PLEKHG4B: variants seen among roughly 807,000 people sequenced by gnomAD.
The protein encoded by PLEKHG4B is pleckstrin homology domain-containing family G member 4B.
A neutral mutation model predicts 121.3 loss-of-function variants in PLEKHG4B; 111 were observed. That is an observed-to-expected ratio of 0.92 (90% CI 0.78 to 1.07). The LOEUF (loss-of-function observed/expected upper bound fraction) is 1.07, where lower values mean the gene tolerates loss of function less well. Ranked by LOEUF, PLEKHG4B falls within the 50% of genes least tolerant of loss-of-function variation. The probability of loss-of-function intolerance (pLI) is 0.00; values close to 1 mark genes in which losing one functional copy is unlikely to be tolerated. For synonymous variants in PLEKHG4B, 738 were observed against 725.0 expected, an observed-to-expected ratio of 1.02 and a Z score of -0.29; for missense variants, 1,831 against 1,757.8, an observed-to-expected ratio of 1.04 and a Z score of -0.74.
chr5:187,924 G>A lies in PLEKHG4B; in HGVS notation c.*5601G>A. The A allele has an allele frequency of 6.6e-6, 1 of 152,564 alleles. No homozygotes were observed. Among genetic ancestry groups the A allele is most frequent in the Non-Finnish European group, 1.5e-5 (1 of 68,214 alleles). The allele number at this position is 152,564 out of a possible 1,614,324, so 9.5% of individuals were successfully genotyped here. On this transcript the variant is annotated 3_prime_UTR_variant, in exon 20 of 20. Coordinates refer to ENST00000637938, the MANE Select transcript of PLEKHG4B (RefSeq NM_052909.5). ...CAGGAGGTCCGCCTGTCAGGTCAGAGGGCAGCAGGAGGCCACCCCACCTCC... is the reference window on the plus strand; with the variant it reads ...CAGGAGGTCCGCCTGTCAGGTCAGAAGGCAGCAGGAGGCCACCCCACCTCC...
rs76831360 is a variant in PLEKHG4B, at chr5:183,970, CAGATAGATAGAT to C, written c.*1656_*1667del. 1.7e-5 allele frequency: 2 copies of C among 118,104 alleles called. No homozygotes were observed. Among genetic ancestry groups the C allele is most frequent in the Non-Finnish European group, 3.5e-5 (2 of 56,684 alleles). 7.3% of individuals were successfully genotyped at this position (118,104 alleles called of 1,614,324 possible). A position where few individuals can be genotyped will look rare whatever the true frequency, so the allele number is the denominator to read the frequency against. On this transcript the variant is annotated 3_prime_UTR_variant, in exon 20 of 20. Coordinates refer to ENST00000637938, the MANE Select transcript of PLEKHG4B (RefSeq NM_052909.5). ...GGAGATAGCTAGATATATATACAGA[CAGATAGATAGAT>C]AGATAGATCGATAGATAGATAGATA...
chr5:160,470 T>A (rs1479245859), intron 11 of PLEKHG4B, among the ~76,000 whole-genome samples: 5 of 152,072 alleles, frequency 3.3e-5, no homozygotes, highest in African/African-American at 1.2e-4. Context: ...ATGGAGCCCC[T>A]AAACAGTGTG....
rs1279862882 is a variant in PLEKHG4B at position 184,380 on chromosome 5, A to T, written c.*2057A>T. 2 of 152,268 alleles carry T rather than the reference A, an allele frequency of 1.3e-5. No homozygotes were observed. Among genetic ancestry groups the T allele is most frequent in the East Asian group, 3.8e-4 (2 of 5,208 alleles). 9.4% of individuals were successfully genotyped at this position (152,268 alleles called of 1,614,324 possible). The stretch of plus-strand genomic sequence containing the variant: ...TGTTCTGTTGGGAGGCACAAAGCTG[A>T]TGAGGATGGCTGACTCCTCAGGAGC... On this transcript the variant is annotated 3_prime_UTR_variant, in exon 20 of 20. Coordinates refer to ENST00000637938, the MANE Select transcript of PLEKHG4B (RefSeq NM_052909.5).
At chr5:133,355 C>G (rs896134607) in intron 2 of PLEKHG4B, among the ~76,000 whole-genome samples, 1 of 152,102 alleles carries the variant, frequency 6.6e-6, no homozygotes, top group Non-Finnish European at 1.5e-5. Context: ...GTTCGACTTC[C>G]TCTGTACTGA....
In PLEKHG4B at chr5:113,598, G is replaced by A; in HGVS notation, c.243+150G>A. On this transcript the variant is annotated intron_variant, in intron 2 of 19. Coordinates refer to ENST00000637938, the MANE Select transcript of PLEKHG4B (RefSeq NM_052909.5). This position sits in a 1 kb window ranked among gnomAD's most constrained non-coding sequence, Gnocchi z 5.2. ...CTCCCACCCTCATCCCAAATGAAGGGTCAAACAAGGCTGCATGTCCCAGCA... is the reference window on the plus strand; with the variant it reads ...CTCCCACCCTCATCCCAAATGAAGGATCAAACAAGGCTGCATGTCCCAGCA... 1 of 397,880 alleles carries A rather than the reference G, an allele frequency of 2.5e-6. No homozygotes were observed. The highest frequency in any genetic ancestry group is 4.4e-5 in the Admixed American group (1 of 22,728). 24.6% of individuals were successfully genotyped at this position (397,880 alleles called of 1,614,324 possible).
chr5:140,162 C>A lies in PLEKHG4B; in HGVS notation c.923C>A (p.Ser308Ter). Reference sequence around the variant, plus strand: ...ATGCCCCCTGAGAACTGTGGGGGGTCGGGGGAGAGGCCGGACCCCATGGAC... The same window carrying A: ...ATGCCCCCTGAGAACTGTGGGGGGTAGGGGGAGAGGCCGGACCCCATGGAC... ...PRMPPENCGG[S>*]GERPDPMDQE... The change falls in exon 3 of 20, where the codon TCG (serine) becomes TAG (stop). Residue 308 changes from serine (S) to a stop codon, truncating the protein, a stop_gained. Coordinates refer to ENST00000637938, the MANE Select transcript of PLEKHG4B (RefSeq NM_052909.5). LOFTEE classifies it high-confidence loss of function. The A allele has an allele frequency of 1.2e-6, 1 of 807,834 alleles. No homozygotes were observed. The highest frequency in any genetic ancestry group is 1.9e-6 in the Non-Finnish European group (1 of 531,556). 50.0% of individuals were successfully genotyped at this position (807,834 alleles called of 1,614,324 possible).
chr5:109,388 C>G (rs1430588073), intron 1 of PLEKHG4B, among the ~76,000 whole-genome samples: 1 of 127,410 alleles, frequency 7.8e-6, no homozygotes, highest in Non-Finnish European at 1.5e-5. Context: ...CAGGGCAAGA[C>G]TCTGTCTCCA....
chr5:126,109 A>C (rs574805211), intron 2 of PLEKHG4B, among the ~76,000 whole-genome samples: 1 of 152,322 alleles, frequency 6.6e-6, no homozygotes, highest in South Asian at 2.1e-4. Flanking sequence ...GGAGCTTATC[A>C]GGCTTCTTGG....
At chr5:121,594 C>T (rs147450408) in intron 2 of PLEKHG4B, among the ~76,000 whole-genome samples, 35 of 152,088 alleles carry the variant, frequency 2.3e-4, no homozygotes, top group African/African-American at 7.7e-4. Context: ...CCAGGAAGCT[C>T]GTCATCACCT....
intron 16 of PLEKHG4B, 21 bp from the exon 17 acceptor site, chr5:172,876 C>T: frequency 1.2e-6 from 2 of 1,613,624 alleles, no homozygotes; most frequent in Non-Finnish European, 1.7e-6. Context: ...GGATGAAATC[C>T]ACCTGTGTGT....
intron 13 of PLEKHG4B, among the ~76,000 whole-genome samples, chr5:168,115 G>A (rs1736412094): frequency 6.6e-6 from 1 of 152,298 alleles, no homozygotes; most frequent in African/African-American, 2.4e-5. Context: ...CAGCCACAGA[G>A]GAGCCCACAT....
chr5:162,006 C>T (rs1736024187), intron 12 of PLEKHG4B, 62 bp downstream of exon 12: 2 of 1,511,866 alleles, frequency 1.3e-6, no homozygotes, highest in Admixed American at 2.0e-5. Flanking sequence ...GGACATCTAG[C>T]AAGTGCCTCC....
In PLEKHG4B at chr5:187,119, A is replaced by T. The variant is rs1733648337; in HGVS notation, c.*4796A>T. The T allele has an allele frequency of 6.6e-6, 1 of 152,294 alleles. No homozygotes were observed. Among genetic ancestry groups the T allele is most frequent in the African/African-American group, 2.4e-5 (1 of 41,404 alleles). The allele number at this position is 152,294 out of a possible 1,614,324, so 9.4% of individuals were successfully genotyped here. A position where few individuals can be genotyped will look rare whatever the true frequency, so the allele number is the denominator to read the frequency against. ...GCCTTCAGATTGACCCCATTCGTGG[A>T]TGAGTCTACAAGGCTCCCCAGTGCC... On this transcript the variant is annotated 3_prime_UTR_variant, in exon 20 of 20. Coordinates refer to ENST00000637938, the MANE Select transcript of PLEKHG4B (RefSeq NM_052909.5).
chr5:131,558 G>A (rs1479249927), intron 2 of PLEKHG4B, among the ~76,000 whole-genome samples: 1 of 152,122 alleles, frequency 6.6e-6, no homozygotes, highest in Non-Finnish European at 1.5e-5. Context: ...GTTGTGAATA[G>A]TGCCGCAGTA....
rs753812809 is a variant in PLEKHG4B, at chr5:143,083, G to A, written c.1514G>A (p.Gly505Asp). 6.2e-7 allele frequency: 1 copy of A among 1,613,192 alleles called. No homozygotes were observed. Among genetic ancestry groups the A allele is most frequent in the South Asian group, 1.1e-5 (1 of 91,084 alleles). Reference protein sequence around the residue: ...LASSACVSTDGGSLHCHNPSG... With the variant: ...LASSACVSTDDGSLHCHNPSG... ...TCCTCAGCCTGTGTCAGCACAGACG[G>A]CGGCAGCCTCCATTGCCACAACCCC... The change falls in exon 4 of 20, where the codon GGC (glycine) becomes GAC (aspartate). Residue 505 changes from glycine (G) to aspartate (D), a missense_variant. By Grantham distance (94) the Gly-to-Asp change is moderately conservative. Coordinates refer to ENST00000637938, the MANE Select transcript of PLEKHG4B (RefSeq NM_052909.5).
chr5:138,156 C>T (rs954221754), intron 2 of PLEKHG4B, among the ~76,000 whole-genome samples: 1 of 152,234 alleles, frequency 6.6e-6, no homozygotes, highest in Non-Finnish European at 1.5e-5. Context: ...CGCCCCCCAC[C>T]GGCAGCTAAT....
rs1157109141 is a variant in PLEKHG4B, at chr5:139,497, TCTGGTCTTC to T, written c.262_270del (p.Val88_Leu90del). ...TCTTGTCTCAGGCCAGGTACAGGGGTCTGGTCTTCCTGCACCCAGGCTGGCCGCTGTGCG... is the reference window on the plus strand; with the variant it reads ...TCTTGTCTCAGGCCAGGTACAGGGGTCTGCACCCAGGCTGGCCGCTGTGCG... On this transcript the variant is annotated inframe_deletion, in exon 3 of 20. Coordinates refer to ENST00000637938, the MANE Select transcript of PLEKHG4B (RefSeq NM_052909.5). The surrounding 1 kb of genome is among the most constrained non-coding windows in gnomAD (Gnocchi z 5.0). 1 of 398,674 alleles carries T rather than the reference TCTGGTCTTC, an allele frequency of 2.5e-6. No individual in the cohort carries two copies. Among genetic ancestry groups the T allele is most frequent in the African/African-American group, 2.1e-5 (1 of 48,538 alleles). 24.7% of individuals were successfully genotyped at this position (398,674 alleles called of 1,614,324 possible).
At chr5:163,682 G>T in intron 13 of PLEKHG4B, 134 bp downstream of exon 13, 1 of 783,524 alleles carries the variant, frequency 1.3e-6, no homozygotes, top group South Asian at 1.9e-5. Context: ...CCACCTGTCC[G>T]GTCTAAGAAG....
chr5:151,630 A>G (rs1304523022), intron 7 of PLEKHG4B, 31 bp downstream of exon 7: 1 of 1,411,504 alleles, frequency 7.1e-7, no homozygotes, highest in Non-Finnish European at 9.9e-7. Context: ...ATCCTGAGTG[A>G]TGGATAAAAT....
Sources: gnomAD v4.1 joint callset for allele counts (sites outside exome capture counted in the v4.1 genomes callset) on GRCh38, gnomAD v4.1.1 for gene constraint, Gnocchi (gnomAD v3.1) non-coding constraint, MANE v1.5 for transcripts, NCBI Gene and HGNC (gene_info 2026-07-23, HGNC 2026-07-21) for gene names.